The following SLC4A3 variants were observed in gnomAD, a reference collection of about 807,000 sequenced individuals.
SLC4A3 encodes the protein anion exchange protein 3.
A neutral mutation model predicts 114.2 loss-of-function variants in SLC4A3; 47 were observed. That is an observed-to-expected ratio of 0.41 (90% CI 0.33 to 0.52). SLC4A3 has a LOEUF of 0.52. Ranked by LOEUF, SLC4A3 falls within the 20% of genes least tolerant of loss-of-function variation. SLC4A3 has a pLI of 0.21. For missense variants in SLC4A3, 1,312 were observed against 1,668.3 expected, an observed-to-expected ratio of 0.79 and a Z score of 3.72; for synonymous variants, 693 against 710.3, an observed-to-expected ratio of 0.98 and a Z score of 0.39.
chr2:219,635,641 G>T, intron 13 of SLC4A3, 32 bp from the exon 14 acceptor site: 1 of 1,538,030 alleles, frequency 6.5e-7, no homozygotes, highest in Non-Finnish European at 8.8e-7. Context: ...AGAGGGAGTG[G>T]TCTGTGCCCC....
In SLC4A3 at chr2:219,639,855, C is replaced by G; in HGVS notation, c.3277+120C>G. On this transcript the variant is annotated intron_variant, in intron 20 of 22. Coordinates refer to ENST00000358055, the MANE Select transcript of SLC4A3 (RefSeq NM_005070.4). The surrounding 1 kb of genome is among the most constrained non-coding windows in gnomAD (Gnocchi z 5.9). The stretch of plus-strand genomic sequence containing the variant: ...GCTGTGTGTTGCCCTCAATCTGACC[C>G]CCAAACCTGCTTCCCAGCACTCCCC... The G allele has an allele frequency of 7.6e-7, 1 of 1,313,852 alleles. No individual in the cohort carries two copies. The highest frequency in any genetic ancestry group is 1.0e-6 in the Non-Finnish European group (1 of 959,762). 81.4% of individuals were successfully genotyped at this position (1,313,852 alleles called of 1,614,324 possible). A position where few individuals can be genotyped will look rare whatever the true frequency, so the allele number is the denominator to read the frequency against.
At position 219,639,688 on chromosome 2, in the gene SLC4A3, A is replaced by C; in HGVS notation, c.3230A>C (p.Glu1077Ala). 1 of 1,612,080 alleles carries C rather than the reference A, an allele frequency of 6.2e-7. No individual in the cohort carries two copies. Among genetic ancestry groups the C allele is most frequent in the South Asian group, 1.1e-5 (1 of 91,068 alleles). ...IAPGDKPQIQ[E>A]VREQRVTGVL... ...CCTGGTGACAAGCCCCAGATCCAGGAGGTGCGGGAGCAGCGGGTCACTGGT... is the reference window on the plus strand; with the variant it reads ...CCTGGTGACAAGCCCCAGATCCAGGCGGTGCGGGAGCAGCGGGTCACTGGT... Residue 1077 changes from glutamate (E) to alanine (A), a missense_variant, in exon 20 of 23, where the codon GAG becomes GCG. Glu to Ala is a moderately radical substitution (Grantham distance 107). This residue lies in a region of SLC4A3 where 301 missense variants were observed against 460.7 expected (regional missense o/e 0.65). Transcript: ENST00000358055. This position sits in a 1 kb window ranked among gnomAD's most constrained non-coding sequence, Gnocchi z 5.9.
chr2:219,633,522 T>C lies in SLC4A3; in HGVS notation c.1461+65T>C, dbSNP rs1699011945. On this transcript the variant is annotated intron_variant, in intron 10 of 22. Transcript: ENST00000358055. ...GGGTGTCCAGTTTCAGTCGAGGTCATCGACGACTTCACTGAGTGGGTTGGG... is the reference window on the plus strand; with the variant it reads ...GGGTGTCCAGTTTCAGTCGAGGTCACCGACGACTTCACTGAGTGGGTTGGG... The C allele has an allele frequency of 2.2e-6, 3 of 1,369,248 alleles. No homozygotes were observed. The South Asian group carries it at 4.7e-5, about 22-fold the overall frequency. The allele number at this position is 1,369,248 out of a possible 1,614,324, so 84.8% of individuals were successfully genotyped here.
At chr2:219,633,496 AG>A (rs759742877) in intron 10 of SLC4A3, 39 bp downstream of exon 10, 2 of 1,473,648 alleles carry the variant, frequency 1.4e-6, no homozygotes, top group South Asian at 1.4e-5. Flanking sequence ...GGGGACTGAG[AG>A]GGTGTCCAGT....
chr2:219,635,862 G>A lies in SLC4A3; in HGVS notation c.2162G>A (p.Ser721Asn). The A allele has an allele frequency of 6.5e-7, 1 of 1,546,638 alleles. No individual in the cohort carries two copies. Among genetic ancestry groups the A allele is most frequent in the African/African-American group, 1.4e-5 (1 of 72,898 alleles). ...CTCTTCATCTACTTCGCAGCCCTCAGCCCTGCCATCACCTTCGGGGGGCTG... is the reference window on the plus strand; with the variant it reads ...CTCTTCATCTACTTCGCAGCCCTCAACCCTGCCATCACCTTCGGGGGGCTG... ...AVLFIYFAAL[S>N]PAITFGGLLG... Residue 721 changes from serine to asparagine, a missense_variant, in exon 14 of 23, where the codon AGC becomes AAC. Around this residue, in one of 4 missense-constraint regions of SLC4A3, gnomAD observed 771 missense variants for 977.7 expected, o/e 0.79. Transcript: ENST00000358055.
At position 219,635,681 on chromosome 2, in the gene SLC4A3, T is replaced by C; in HGVS notation, c.1981T>C (p.Leu661=). ...GYTAPGKELS[L]ELGGSEATPE... ...GCCCCTTGTTCCCCCAGAACTGTCT[T>C]TGGAGTTGGGGGGCTCTGAGGCAAC... Residue 661 remains leucine, a synonymous_variant, in exon 14 of 23, where the codon TTG becomes CTG. Coordinates refer to ENST00000358055, the MANE Select transcript of SLC4A3 (RefSeq NM_005070.4). 1 of 1,584,828 alleles carries C rather than the reference T, an allele frequency of 6.3e-7. No homozygotes were observed. Among genetic ancestry groups the C allele is most frequent in the Non-Finnish European group, 8.6e-7 (1 of 1,168,016 alleles).
At position 219,639,335 on chromosome 2, in the gene SLC4A3, G is replaced by T; in HGVS notation, c.3024-147G>T. On this transcript the variant is annotated intron_variant, in intron 19 of 22. Coordinates refer to ENST00000358055, the MANE Select transcript of SLC4A3 (RefSeq NM_005070.4). This position sits in a 1 kb window ranked among gnomAD's most constrained non-coding sequence, Gnocchi z 5.9. ...GCTTCAATGTGAGAACTTCAATTTG[G>T]GAACTTGAAAGAAGAAGCTGGCAGT... 1.1e-6 allele frequency: 1 copy of T among 951,242 alleles called. No individual in the cohort carries two copies. Among genetic ancestry groups the T allele is most frequent in the Non-Finnish European group, 1.6e-6 (1 of 633,708 alleles). 58.9% of individuals were successfully genotyped at this position (951,242 alleles called of 1,614,324 possible).
chr2:219,629,083 C>G, intron 3 of SLC4A3, 61 bp from the exon 4 acceptor site: 1 of 1,508,922 alleles, frequency 6.6e-7, no homozygotes. Flanking sequence ...TGTGTGCCCT[C>G]GGGTGGGGAG....
rs919233457 is a variant in SLC4A3, at chr2:219,637,850, C to A, written c.2766+39C>A. On this transcript the variant is annotated intron_variant, in intron 17 of 22. Transcript: ENST00000358055. The surrounding 1 kb of genome is among the most constrained non-coding windows in gnomAD (Gnocchi z 4.6). Reference sequence around the variant, plus strand: ...GGGTGTGGAGCCCCCAAGAGTCCCACAATTCCTGCTGTAGGAGCTCCCCAG... The same window carrying A: ...GGGTGTGGAGCCCCCAAGAGTCCCAAAATTCCTGCTGTAGGAGCTCCCCAG... 18 of 1,501,634 alleles carry A rather than the reference C, an allele frequency of 1.2e-5. No individual in the cohort carries two copies. The Admixed American group carries it at 1.5e-4, about 13-fold the overall frequency. 93.0% of individuals were successfully genotyped at this position (1,501,634 alleles called of 1,614,324 possible).
Position 219,631,573 on chromosome 2 carries a change from CGTGG to C in SLC4A3, c.812-391_812-388del. The C allele has an allele frequency of 1.0e-6, 1 of 982,136 alleles. No homozygotes were observed. The highest frequency in any genetic ancestry group is 1.4e-6 in the Non-Finnish European group (1 of 735,814). 60.8% of individuals were successfully genotyped at this position (982,136 alleles called of 1,614,324 possible). ...GGGCTGTGTACCTTCGGGGAGGGGACGTGGGTGTTGAGATAGGGTGCACGGAAAA... is the reference window on the plus strand; with the variant it reads ...GGGCTGTGTACCTTCGGGGAGGGGACGTGTTGAGATAGGGTGCACGGAAAA... On this transcript the variant is annotated intron_variant, in intron 6 of 22. Coordinates refer to ENST00000358055, the MANE Select transcript of SLC4A3 (RefSeq NM_005070.4). This position sits in a 1 kb window ranked among gnomAD's most constrained non-coding sequence, Gnocchi z 6.3.
rs144951762 is a variant in SLC4A3 at position 219,634,565 on chromosome 2, C to T, written c.1707C>T (p.His569=). ...LGPSHTSTDY[H]ELGRSIATLM... is the part of the protein sequence containing the mutation. ...CCAGCCACACCAGCACTGACTATCACGAGCTTGGGCGCTCCATTGCCACCC... is the reference window on the plus strand; with the variant it reads ...CCAGCCACACCAGCACTGACTATCATGAGCTTGGGCGCTCCATTGCCACCC... Residue 569 remains histidine, a synonymous_variant, in exon 12 of 23, where the codon CAC becomes CAT. Coordinates refer to ENST00000358055, the MANE Select transcript of SLC4A3 (RefSeq NM_005070.4). 857 of 1,614,230 alleles carry T rather than the reference C, an allele frequency of 5.3e-4. No individual in the cohort carries two copies. Among genetic ancestry groups the T allele is most frequent in the Admixed American group, 1.4e-3 (84 of 60,024 alleles).
rs1034022722 is a variant in SLC4A3, at chr2:219,637,577, A to T, written c.2536-4A>T. The T allele has an allele frequency of 1.6e-5, 24 of 1,517,714 alleles. No individual in the cohort carries two copies. The highest frequency in any genetic ancestry group is 3.7e-5 in the Admixed American group (2 of 53,596). The allele number at this position is 1,517,714 out of a possible 1,614,324, so 94.0% of individuals were successfully genotyped here. On this transcript the variant is annotated splice_polypyrimidine_tract_variant and splice_region_variant and intron_variant, in intron 16 of 22. Coordinates refer to ENST00000358055, the MANE Select transcript of SLC4A3 (RefSeq NM_005070.4). This position sits in a 1 kb window ranked among gnomAD's most constrained non-coding sequence, Gnocchi z 4.6. ...GACAAGGCATCCTTGTTATCCACAC[A>T]CAGGTGTTCACAGAGCACCCACTGC...
rs1698881329 is a variant in SLC4A3, at chr2:219,630,485, G to C, written c.811+133G>C. Reference sequence around the variant, plus strand: ...TCTGAATCCCTGTCTGCTGGGATGTGGCCAGTGATGGGGACCTCACTACCT... The same window carrying C: ...TCTGAATCCCTGTCTGCTGGGATGTCGCCAGTGATGGGGACCTCACTACCT... On this transcript the variant is annotated intron_variant, in intron 6 of 22. Coordinates refer to ENST00000358055, the MANE Select transcript of SLC4A3 (RefSeq NM_005070.4). The surrounding 1 kb of genome is among the most constrained non-coding windows in gnomAD (Gnocchi z 6.9). 1 of 981,962 alleles carries C rather than the reference G, an allele frequency of 1.0e-6. No individual in the cohort carries two copies. Among genetic ancestry groups the C allele is most frequent in the Non-Finnish European group, 1.5e-6 (1 of 686,696 alleles). 60.8% of individuals were successfully genotyped at this position (981,962 alleles called of 1,614,324 possible). A position where few individuals can be genotyped will look rare whatever the true frequency, so the allele number is the denominator to read the frequency against.
Position 219,633,007 on chromosome 2 carries a change from C to T in SLC4A3, c.1275C>T (p.His425=), listed in dbSNP as rs1234162052. ...TCCTACGTACCCTGCTACTGAAGCA[C>T]AGGTGCCGGGGTGGGTCCCTGGGAG... ...ASVLRTLLLK[H]SHPNDDKDSG... is the part of the protein sequence containing the mutation. Residue 425 remains histidine, a splice_region_variant and synonymous_variant, in exon 9 of 23, where the codon CAC becomes CAT. Coordinates refer to ENST00000358055, the MANE Select transcript of SLC4A3 (RefSeq NM_005070.4). The T allele has an allele frequency of 6.2e-7, 1 of 1,613,966 alleles. No homozygotes were observed. The highest frequency in any genetic ancestry group is 8.5e-7 in the Non-Finnish European group (1 of 1,179,966).
Position 219,638,120 on chromosome 2 carries a change from T to C in SLC4A3, c.2767-44T>C, listed in dbSNP as rs1387304495. The C allele has an allele frequency of 1.3e-6, 2 of 1,491,950 alleles. No homozygotes were observed. Among genetic ancestry groups the C allele is most frequent in the Admixed American group, 1.8e-5 (1 of 55,514 alleles). 92.4% of individuals were successfully genotyped at this position (1,491,950 alleles called of 1,614,324 possible). The stretch of plus-strand genomic sequence containing the variant: ...CAAGCCCCGTGTTAGTCTGCTGACC[T>C]TGCCTCCACCTTTTGCTCCCTTCCC... On this transcript the variant is annotated intron_variant, in intron 17 of 22. Transcript: ENST00000358055. This position sits in a 1 kb window ranked among gnomAD's most constrained non-coding sequence, Gnocchi z 7.5.
In SLC4A3 at chr2:219,637,053, C is replaced by T. The variant is rs927014783; in HGVS notation, c.2535+179C>T. On this transcript the variant is annotated intron_variant, in intron 16 of 22. Coordinates refer to ENST00000358055, the MANE Select transcript of SLC4A3 (RefSeq NM_005070.4). The surrounding 1 kb of genome is among the most constrained non-coding windows in gnomAD (Gnocchi z 4.6). Reference sequence around the variant, plus strand: ...TGAGCTGAAGGGGAGGGAGTCAGACCCAGGGGGTGGGTGCCAGGTCACGAC... The same window carrying T: ...TGAGCTGAAGGGGAGGGAGTCAGACTCAGGGGGTGGGTGCCAGGTCACGAC... Among the ~76,000 whole-genome samples the T allele has an allele frequency of 6.6e-6, 1 of 151,808 alleles. No individual in the cohort carries two copies. The highest frequency in any genetic ancestry group is 1.5e-5 in the Non-Finnish European group (1 of 67,922).
At chr2:219,640,227 C>CA (rs1699275656) in intron 20 of SLC4A3, among the ~76,000 whole-genome samples, 1 of 70,468 alleles carries the variant, frequency 1.4e-5, no homozygotes. Flanking sequence ...ATGTGTCTGC[C>CA]CCCCCCCCCG....
Position 219,635,283 on chromosome 2 carries a change from G to A in SLC4A3, c.1759G>A (p.Ala587Thr). 6.2e-7 allele frequency: 1 copy of A among 1,613,912 alleles called. No individual in the cohort carries two copies. The highest frequency in any genetic ancestry group is 8.5e-7 in the Non-Finnish European group (1 of 1,179,860). The part of the protein sequence containing the change: ...TLMSDKLFHE[A>T]AYQADDRQDL... The stretch of plus-strand genomic sequence containing the variant: ...TCATTGCCCCCAGCTGTTTCATGAG[G>A]CTGCCTACCAGGCAGATGACCGGCA... Residue 587 changes from alanine to threonine, a missense_variant, in exon 13 of 23, where the codon GCT becomes ACT. Ala to Thr is a moderately conservative substitution (Grantham distance 58). Around this residue, in one of 4 missense-constraint regions of SLC4A3, gnomAD observed 771 missense variants for 977.7 expected, o/e 0.79. Transcript: ENST00000358055.
rs751182311 is a variant in SLC4A3 at position 219,635,412 on chromosome 2, C to T, written c.1888C>T (p.Arg630Ter). ...DLLRSVAAFQRELLRKRRERE... is the reference protein window; with the variant it reads ...DLLRSVAAFQ The stretch of plus-strand genomic sequence containing the variant: ...GCTGCGCTCCGTGGCTGCTTTCCAG[C>T]GAGAGCTGCTTAGGAAGCGGCGAGA... Residue 630 changes from arginine to a stop codon, truncating the protein, a stop_gained, in exon 13 of 23, where the codon CGA becomes TGA. Coordinates refer to ENST00000358055, the MANE Select transcript of SLC4A3 (RefSeq NM_005070.4). LOFTEE classifies it high-confidence loss of function. 8.1e-6 allele frequency: 13 copies of T among 1,614,150 alleles called. No homozygotes were observed. The highest frequency in any genetic ancestry group is 1.1e-5 in the South Asian group (1 of 91,086).
Sources: gnomAD v4.1 joint callset for allele counts (sites outside exome capture counted in the v4.1 genomes callset) on GRCh38, gnomAD v4.1.1 for gene constraint, gnomAD v4.1.1 regional missense constraint, Gnocchi (gnomAD v3.1) non-coding constraint, MANE v1.5 for transcripts, NCBI Gene and HGNC (gene_info 2026-07-23, HGNC 2026-07-21) for gene names.